HECW1: variants seen among roughly 807,000 people sequenced by gnomAD.
HECW1 encodes the protein E3 ubiquitin-protein ligase HECW1.
Under a neutral mutation model 182.3 loss-of-function variants are expected in HECW1, and 61 were observed. That is an observed-to-expected ratio of 0.33 (90% CI 0.27 to 0.41). HECW1 has a LOEUF of 0.41. HECW1 is among the 10% of genes least tolerant of loss of function. The pLI, the probability that HECW1 is intolerant of heterozygous loss-of-function variation, is 1.00. For missense variants in HECW1, 1,739 were observed against 2,108.9 expected (o/e 0.82, Z 3.44); for synonymous variants, 859 against 832.6 (o/e 1.03, Z -0.55).
rs969139600 is a variant in HECW1 at position 43,492,088 on chromosome 7, C to T, written c.3248C>T (p.Ser1083Phe). The change falls in exon 18 of 30, where the codon TCT (serine) becomes TTT (phenylalanine). Residue 1083 changes from serine to phenylalanine, a missense_variant. Around this residue, in one of 5 missense-constraint regions of HECW1, gnomAD observed 971 missense variants for 1,029.1 expected, o/e 0.94. Coordinates refer to ENST00000395891, the MANE Select transcript of HECW1 (RefSeq NM_015052.5). ...TTCTAAAATTAGGCCTCAGAAGTTT[C>T]TAGAAACAGAGGAGCCTCTTTACTG... ...SYSAGEASEV[S>F]RNRGASLLAR... 1 of 1,605,632 alleles carries T rather than the reference C, an allele frequency of 6.2e-7. No individual in the cohort carries two copies. Among genetic ancestry groups the T allele is most frequent in the Admixed American group, 1.7e-5 (1 of 57,776 alleles).
At chr7:43,135,447 A>G (rs985138191) in intron 2 of HECW1, among the ~76,000 whole-genome samples, 1 of 152,288 alleles carries the variant, frequency 6.6e-6, no homozygotes, top group Middle Eastern at 3.4e-3. Context: ...GCTAAAAAAA[A>G]CAGTCTGGGG....
At chr7:43,206,008 C>G (rs1407786128) in intron 2 of HECW1, among the ~76,000 whole-genome samples, 1 of 152,176 alleles carries the variant, frequency 6.6e-6, no homozygotes, top group Non-Finnish European at 1.5e-5. Flanking sequence ...GCCACTTCCT[C>G]CCCTGGACAC....
chr7:43,492,469 T>G (rs968047332), intron 18 of HECW1, among the ~76,000 whole-genome samples: 1 of 152,204 alleles, frequency 6.6e-6, no homozygotes, highest in Non-Finnish European at 1.5e-5. Context: ...GATTTGTTAA[T>G]CCCGTGCACA....
chr7:43,407,835 G>C, intron 8 of HECW1, 104 bp downstream of exon 8: 2 of 1,025,818 alleles, frequency 1.9e-6, no homozygotes, highest in Non-Finnish European at 2.8e-6. Flanking sequence ...GGACTCTGCT[G>C]CTCAATCTAT....
intron 5 of HECW1, among the ~76,000 whole-genome samples, chr7:43,325,340 C>T (rs1367144618): frequency 6.6e-6 from 1 of 152,146 alleles, no homozygotes; most frequent in Non-Finnish European, 1.5e-5. Context: ...ATTTGGGCTC[C>T]GCTGGCCCAT....
intron 16 of HECW1, among the ~76,000 whole-genome samples, chr7:43,475,636 G>A (rs957247650): frequency 3.3e-5 from 5 of 152,074 alleles, no homozygotes; most frequent in East Asian, 3.9e-4. Context: ...CTGCAGCCTC[G>A]ACTTCCTGTG....
Position 43,353,548 on chromosome 7 carries a change from A to G in HECW1, c.461-7338A>G, listed in dbSNP as rs1814718838. ...TATCCCAGAACTCAAATATGAGGGT[A>G]AGACAGCTCTCAGGGCCACAAAGCA... On this transcript the variant is annotated intron_variant, in intron 5 of 29. Transcript: ENST00000395891. Among the ~76,000 whole-genome samples, 4 of 152,146 alleles carry G rather than the reference A, an allele frequency of 2.6e-5. No homozygotes were observed. In the South Asian group the frequency reaches 8.3e-4, roughly 32 times the overall value.
intron 6 of HECW1, among the ~76,000 whole-genome samples, chr7:43,362,744 C>T (rs1374291652): frequency 2.0e-5 from 3 of 152,232 alleles, no homozygotes; most frequent in Admixed American, 1.3e-4. Flanking sequence ...ACTGAGCACA[C>T]AACAGGCAGA....
intron 19 of HECW1, among the ~76,000 whole-genome samples, chr7:43,496,865 G>C (rs1194815272): frequency 6.6e-6 from 1 of 152,126 alleles, no homozygotes; most frequent in Non-Finnish European, 1.5e-5. Context: ...GCATGGAGGT[G>C]GTCCTTCAAC....
At chr7:43,312,542 A>C (rs1808666674) in intron 4 of HECW1, among the ~76,000 whole-genome samples, 1 of 152,232 alleles carries the variant, frequency 6.6e-6, no homozygotes, top group Admixed American at 6.5e-5. Context: ...ACAAGCTGGG[A>C]TTATACTCAC....
intron 6 of HECW1, among the ~76,000 whole-genome samples, chr7:43,392,900 T>C (rs2075093005): frequency 6.6e-6 from 1 of 152,160 alleles, no homozygotes; most frequent in Non-Finnish European, 1.5e-5. Context: ...TTTGCTGAAT[T>C]GCAGTTTTAG....
intron 2 of HECW1, among the ~76,000 whole-genome samples, chr7:43,140,427 A>T (rs1246493916): frequency 6.6e-6 from 1 of 152,162 alleles, no homozygotes; most frequent in Admixed American, 6.5e-5. Context: ...TCCTACTGTG[A>T]GCTATTTCCC....
intron 5 of HECW1, among the ~76,000 whole-genome samples, chr7:43,326,910 G>A (rs906240912): frequency 6.6e-6 from 1 of 152,222 alleles, no homozygotes; most frequent in Non-Finnish European, 1.5e-5. Flanking sequence ...TGGGACCAGA[G>A]GCACCAGCAC....
chr7:43,355,465 C>CT (rs1033814644), intron 5 of HECW1, among the ~76,000 whole-genome samples: 78 of 151,920 alleles, frequency 5.1e-4, no homozygotes, highest in Non-Finnish European at 9.7e-4. Context: ...ATTATAGAGG[C>CT]TTTTTTTTAA....
Position 43,550,493 on chromosome 7 carries a change from G to C in HECW1, c.4297G>C (p.Glu1433Gln). 6.2e-7 allele frequency: 1 copy of C among 1,614,158 alleles called. No homozygotes were observed. The highest frequency in any genetic ancestry group is 8.5e-7 in the Non-Finnish European group (1 of 1,180,014). Residue 1433 changes from glutamate (E) to glutamine (Q), a missense_variant, in exon 27 of 30, where the codon GAG (glutamate) becomes CAG (glutamine). Coordinates refer to ENST00000395891, the MANE Select transcript of HECW1 (RefSeq NM_015052.5). ...KSGGANTQVT[E>Q]KNKKEYIERM... Reference sequence around the variant, plus strand: ...TGGAGGAGCCAACACACAGGTGACGGAGAAAAACAAGAAGGAGTACATCGA... The same window carrying C: ...TGGAGGAGCCAACACACAGGTGACGCAGAAAAACAAGAAGGAGTACATCGA...
chr7:43,268,449 G>A (rs746157960), intron 3 of HECW1, among the ~76,000 whole-genome samples: 5 of 152,144 alleles, frequency 3.3e-5, no homozygotes, highest in Admixed American at 1.3e-4. Context: ...TGTCCCCCGC[G>A]GACATTTGGC....
chr7:43,381,822 C>A (rs1210391230), intron 6 of HECW1, among the ~76,000 whole-genome samples: 2 of 152,074 alleles, frequency 1.3e-5, no homozygotes, highest in Admixed American at 1.3e-4. Flanking sequence ...CCACACCTGG[C>A]TGATAATTTT....
rs143975954 is a variant in HECW1, at chr7:43,461,984, A to G, written c.2652-1676A>G. On this transcript the variant is annotated intron_variant, in intron 13 of 29. Transcript: ENST00000395891. ...TTTTGCTTCAATTTCTGTAACTTTA[A>G]CAATCACTCAGATGATGCTCTTGCA... is the stretch of plus-strand genomic sequence containing the variant. Among the ~76,000 whole-genome samples, 131 of 152,346 alleles carry G rather than the reference A, an allele frequency of 8.6e-4. 1 individual carries two copies. The highest frequency in any genetic ancestry group is 3.1e-3 in the African/African-American group (127 of 41,586).
intron 15 of HECW1, among the ~76,000 whole-genome samples, chr7:43,467,881 G>A (rs1178639388): frequency 1.3e-5 from 2 of 152,134 alleles, no homozygotes; most frequent in African/African-American, 4.8e-5. Flanking sequence ...GCTGCAAAGG[G>A]GGGGATCAGT....
Sources: allele counts gnomAD v4.1 joint callset (sites outside exome capture counted in the v4.1 genomes callset), GRCh38; gene constraint gnomAD v4.1.1; regional missense constraint gnomAD v4.1.1; transcripts MANE v1.5; gene names NCBI Gene and HGNC (gene_info 2026-07-23, HGNC 2026-07-21).